TP53BP2: variants seen among roughly 807,000 people sequenced by gnomAD.
TP53BP2 encodes tumor protein p53 binding protein 2, also known as apoptosis-stimulating of p53 protein 2.
A neutral mutation model predicts 126.2 loss-of-function variants in TP53BP2; 62 were observed. The ratio of observed to expected loss-of-function variants is 0.49; its 90% CI spans 0.40 to 0.61. The LOEUF (loss-of-function observed/expected upper bound fraction) is 0.61. Among genes scored for constraint, TP53BP2 ranks in the 20% least tolerant of loss-of-function variants. The pLI is 0.00. For synonymous variants in TP53BP2, 485 were observed against 502.9 expected, an observed-to-expected ratio of 0.96 and a Z score of 0.48; for missense variants, 1,215 against 1,402.8, an observed-to-expected ratio of 0.87 and a Z score of 2.14.
rs544663173 is a variant in TP53BP2 at position 223,839,945 on chromosome 1, AAAC to A, written c.27+5706_27+5708del. Among the ~76,000 whole-genome samples the A allele has an allele frequency of 6.0e-3, 914 of 152,340 alleles. 11 individuals carry two copies. The highest frequency in any genetic ancestry group is 0.02 in the African/African-American group (849 of 41,570). On this transcript the variant is annotated intron_variant, in intron 1 of 17. Coordinates refer to ENST00000343537, the MANE Select transcript of TP53BP2 (RefSeq NM_001031685.3). ...ATAGAGCAAGACTCTGTCTAAAAAA[AAAC>A]AACAACAAGTGAAAGTTCAGTACTT... is the stretch of plus-strand genomic sequence containing the variant.
At chr1:223,828,164 C>A (rs1432982671) in intron 1 of TP53BP2, among the ~76,000 whole-genome samples, 1 of 152,096 alleles carries the variant, frequency 6.6e-6, no homozygotes, top group East Asian at 1.9e-4. Context: ...TTTCCTGCAT[C>A]TGATACCAAA....
rs760742112 is a variant in TP53BP2 at position 223,784,268 on chromosome 1, C to T, written c.3210G>A (p.Ala1070=). The change falls in exon 17 of 18, where the codon GCG becomes GCA. Residue 1070 remains alanine, a synonymous_variant. Coordinates refer to ENST00000343537, the MANE Select transcript of TP53BP2 (RefSeq NM_001031685.3). ...CATTCTGAGGTTCATAATCCCAAAG[C>T]GCATAAATGACTCCTTTATTCATTA... The part of the protein sequence containing the change: ...MGIMNKGVIY[A]LWDYEPQNDD... 15 of 1,614,048 alleles carry T rather than the reference C, an allele frequency of 9.3e-6. No individual in the cohort carries two copies. The highest frequency in any genetic ancestry group is 2.7e-5 in the African/African-American group (2 of 74,926).
rs147806533 is a variant in TP53BP2 at position 223,835,296 on chromosome 1, A to G, written c.27+10358T>C. ...CAACTATGCCTGAAGCTGAATTTAG[A>G]TAAGTTTCAAATTCTGAACGTATCC... On this transcript the variant is annotated intron_variant, in intron 1 of 17. Coordinates refer to ENST00000343537, the MANE Select transcript of TP53BP2 (RefSeq NM_001031685.3). Among the ~76,000 whole-genome samples, 71 of 152,342 alleles carry G rather than the reference A, an allele frequency of 4.7e-4. 1 individual carries two copies. In the East Asian group the frequency reaches 6.9e-3, roughly 15 times the overall value.
chr1:223,827,181 T>C (rs1663528291), intron 1 of TP53BP2, among the ~76,000 whole-genome samples: 1 of 152,098 alleles, frequency 6.6e-6, no homozygotes, highest in Admixed American at 6.6e-5. Context: ...ATTTAAAGCC[T>C]AAGCCTGGAT....
chr1:223,816,954 G>A (rs1157592735), intron 2 of TP53BP2, among the ~76,000 whole-genome samples: 2 of 151,304 alleles, frequency 1.3e-5, no homozygotes. Flanking sequence ...AAGCCCAGGA[G>A]TTCAAGACCA....
At chr1:223,845,464 G>C (rs1007155856) in intron 1 of TP53BP2, among the ~76,000 whole-genome samples, 190 bp downstream of exon 1, 6 of 152,182 alleles carry the variant, frequency 3.9e-5, no homozygotes, top group African/African-American at 1.2e-4. Context: ...CACGACGGCT[G>C]TGGGCGCAGA....
At chr1:223,831,821 G>C (rs969278217) in intron 1 of TP53BP2, among the ~76,000 whole-genome samples, 1 of 149,176 alleles carries the variant, frequency 6.7e-6, no homozygotes, top group African/African-American at 2.5e-5. Flanking sequence ...ACACTGCATA[G>C]TAATTCATGT....
Position 223,796,128 on chromosome 1 carries a change from T to G in TP53BP2, c.2411A>C (p.Lys804Thr), listed in dbSNP as rs570876373. 3 of 1,614,186 alleles carry G rather than the reference T, an allele frequency of 1.9e-6. No homozygotes were observed. The South Asian group carries it at 3.3e-5, about 18-fold the overall frequency. Residue 804 changes from lysine (K) to threonine (T), a missense_variant, in exon 13 of 18, where the codon AAG (lysine) becomes ACG (threonine). Lys to Thr is a moderately conservative substitution (Grantham distance 78). Transcript: ENST00000343537. The surrounding 1 kb of genome is among the most constrained non-coding windows in gnomAD (Gnocchi z 4.2). ...QNPYLHVEPEKEVVSLVPESL... is the reference protein window; with the variant it reads ...QNPYLHVEPETEVVSLVPESL... ...TTCAGGAACCAGAGAGACCACCTCC[T>G]TTTCGGGCTCCACATGTAAATATGG... is the stretch of plus-strand genomic sequence containing the variant.
At chr1:223,830,651 T>C (rs1408648168) in intron 1 of TP53BP2, among the ~76,000 whole-genome samples, 3 of 152,060 alleles carry the variant, frequency 2.0e-5, no homozygotes, top group Admixed American at 6.5e-5. Flanking sequence ...CATGGAAAAG[T>C]CTTTAAACAG....
chr1:223,836,710 G>A (rs1035292671), intron 1 of TP53BP2, among the ~76,000 whole-genome samples: 4 of 152,062 alleles, frequency 2.6e-5, no homozygotes. Flanking sequence ...TAGATAAGGA[G>A]AGCATTACAA....
chr1:223,814,037 C>G, intron 3 of TP53BP2: 1 of 505,244 alleles, frequency 2.0e-6, no homozygotes, highest in South Asian at 3.0e-5. Flanking sequence ...ATAGTTTCAA[C>G]CCCCTGCTCT....
At chr1:223,800,324 C>A (rs1397062010) in intron 10 of TP53BP2, among the ~76,000 whole-genome samples, 1 of 152,152 alleles carries the variant, frequency 6.6e-6, no homozygotes, top group Non-Finnish European at 1.5e-5. Context: ...CAGTGGCTCA[C>A]GCCTGTAATC....
intron 14 of TP53BP2, 108 bp from the exon 15 acceptor site, chr1:223,792,630 CT>C: frequency 9.0e-7 from 1 of 1,105,164 alleles, no homozygotes; most frequent in Non-Finnish European, 1.3e-6. Flanking sequence ...TCTTGTGACA[CT>C]TTTAAAAATC....
chr1:223,836,478 G>A (rs1272328856), intron 1 of TP53BP2, among the ~76,000 whole-genome samples: 1 of 152,172 alleles, frequency 6.6e-6, no homozygotes, highest in East Asian at 1.9e-4. Context: ...ATTCTGAAAT[G>A]GAAATGTATC....
At chr1:223,845,405 C>A (rs1215719200) in intron 1 of TP53BP2, among the ~76,000 whole-genome samples, 3 of 152,188 alleles carry the variant, frequency 2.0e-5, no homozygotes, top group Non-Finnish European at 4.4e-5. Flanking sequence ...CGCCTGACTC[C>A]GGAGCAGCTG....
At chr1:223,798,088 G>A (rs1571846814) in intron 12 of TP53BP2, 127 bp downstream of exon 12, 3 of 889,274 alleles carry the variant, frequency 3.4e-6, no homozygotes, top group Non-Finnish European at 5.1e-6. Context: ...GTAAAGAACA[G>A]AAGCCACAGT....
chr1:223,784,385 A>G (rs1661880063), intron 16 of TP53BP2, 71 bp from the exon 17 acceptor site: 11 of 1,436,200 alleles, frequency 7.7e-6, no homozygotes, highest in African/African-American at 1.4e-5. Flanking sequence ...ACTTTTAGCT[A>G]TATGAAACAA....
At chr1:223,815,374 A>G (rs904446889) in intron 2 of TP53BP2, among the ~76,000 whole-genome samples, 8 of 152,196 alleles carry the variant, frequency 5.3e-5, no homozygotes, top group African/African-American at 1.4e-4. Context: ...TAAACCACAC[A>G]TATTCTAAGA....
intron 16 of TP53BP2, among the ~76,000 whole-genome samples, chr1:223,787,747 A>G (rs994526491): frequency 6.6e-6 from 1 of 152,194 alleles, no homozygotes; most frequent in Non-Finnish European, 1.5e-5. Context: ...GTGTGGTAGT[A>G]CATGCCTGTA....
Sources: gnomAD v4.1 joint callset for allele counts (sites outside exome capture counted in the v4.1 genomes callset) on GRCh38, gnomAD v4.1.1 for gene constraint, Gnocchi (gnomAD v3.1) non-coding constraint, MANE v1.5 for transcripts, NCBI Gene and HGNC (gene_info 2026-07-23, HGNC 2026-07-21) for gene names.